The following ARHGEF7 variants were observed in gnomAD, a reference collection of about 807,000 sequenced individuals.
ARHGEF7 encodes Rho guanine nucleotide exchange factor 7, also known as PAK-interacting exchange factor beta.
ARHGEF7 carries 33 observed loss-of-function variants against 109.8 expected under a neutral mutation model. The ratio of observed to expected loss-of-function variants is 0.30; its 90% CI spans 0.23 to 0.40. The LOEUF is 0.40. Ranked by LOEUF, ARHGEF7 falls within the 10% of genes least tolerant of loss-of-function variation. ARHGEF7 has a pLI of 1.00. For synonymous variants in ARHGEF7, 458 were observed against 424.6 expected, an observed-to-expected ratio of 1.08 and a Z score of -0.97; for missense variants, 938 against 1,098.5, an observed-to-expected ratio of 0.85 and a Z score of 2.07.
intron 2 of ARHGEF7, among the ~76,000 whole-genome samples, chr13:111,194,390 C>G (rs1253882801): frequency 6.6e-6 from 1 of 152,162 alleles, no homozygotes; most frequent in Non-Finnish European, 1.5e-5. Flanking sequence ...GCCTGGCTAT[C>G]TCGCTGTATC....
intron 2 of ARHGEF7, among the ~76,000 whole-genome samples, chr13:111,163,641 T>C (rs2076910577): frequency 6.6e-6 from 1 of 152,156 alleles, no homozygotes; most frequent in Non-Finnish European, 1.5e-5. Flanking sequence ...CATGGTTCAC[T>C]GCAGCCCCCA....
chr13:111,133,092 A>G (rs2074857936), intron 1 of ARHGEF7, among the ~76,000 whole-genome samples: 1 of 152,176 alleles, frequency 6.6e-6, no homozygotes, highest in African/African-American at 2.4e-5. Context: ...ACATGCATAT[A>G]TACACATATA....
chr13:111,282,913 G>T, intron 15 of ARHGEF7: 1 of 644,666 alleles, frequency 1.6e-6, no homozygotes, highest in Non-Finnish European at 2.6e-6. Context: ...CTCCTGTCTG[G>T]GGCAGACGCC....
At chr13:111,176,271 C>T (rs1030461055) in intron 2 of ARHGEF7, among the ~76,000 whole-genome samples, 11 of 152,334 alleles carry the variant, frequency 7.2e-5, no homozygotes, top group South Asian at 2.1e-4. Flanking sequence ...ATAGAAAATG[C>T]GACCATTGCT....
intron 15 of ARHGEF7, among the ~76,000 whole-genome samples, chr13:111,281,903 T>C (rs1181070423): frequency 6.6e-6 from 1 of 152,254 alleles, no homozygotes; most frequent in East Asian, 1.9e-4. Context: ...ATGTATTCTG[T>C]GATCCAACTC....
chr13:111,157,473 A>C (rs1164282150), intron 2 of ARHGEF7, among the ~76,000 whole-genome samples: 1 of 151,964 alleles, frequency 6.6e-6, no homozygotes, highest in African/African-American at 2.4e-5. Flanking sequence ...TTAGGTCAGG[A>C]GTTTGAGACC....
chr13:111,153,573 T>C (rs2153375529), intron 1 of ARHGEF7: 12 of 1,059,292 alleles, frequency 1.1e-5, no homozygotes, highest in Middle Eastern at 4.2e-4. Flanking sequence ...GTGGGCTGCG[T>C]CCGCGGGGGC....
intron 8 of ARHGEF7, among the ~76,000 whole-genome samples, chr13:111,248,733 T>G (rs1233569545): frequency 6.6e-6 from 1 of 152,232 alleles, no homozygotes; most frequent in Non-Finnish European, 1.5e-5. Flanking sequence ...GATTTTATAT[T>G]TGTTCATTCA....
intron 2 of ARHGEF7, chr13:111,187,019 G>T (rs2079333432): frequency 3.0e-6 from 3 of 985,902 alleles, no homozygotes; most frequent in African/African-American, 1.7e-5. Flanking sequence ...GATTAAGGTT[G>T]CTGTGCTTGT....
chr13:111,223,072 G>T (rs574588905), intron 5 of ARHGEF7, among the ~76,000 whole-genome samples: 106 of 152,280 alleles, frequency 7.0e-4, no homozygotes, highest in Non-Finnish European at 2.9e-5. Context: ...ATGTATAGAT[G>T]GGAAAACATA....
intron 5 of ARHGEF7, among the ~76,000 whole-genome samples, chr13:111,227,266 G>A (rs1032887369): frequency 2.0e-5 from 3 of 152,244 alleles, no homozygotes; most frequent in African/African-American, 7.2e-5. Flanking sequence ...GTAAGAAGTT[G>A]TATGTGTGTA....
intron 2 of ARHGEF7, among the ~76,000 whole-genome samples, chr13:111,159,945 A>G (rs938992144): frequency 6.6e-6 from 1 of 152,084 alleles, no homozygotes; most frequent in African/African-American, 2.4e-5. Flanking sequence ...AATGTCTTGG[A>G]GCTTTCCATG....
chr13:111,283,394 A>T, intron 16 of ARHGEF7, 31 bp downstream of exon 16: 1 of 1,535,208 alleles, frequency 6.5e-7, no homozygotes, highest in Non-Finnish European at 8.7e-7. Context: ...AAACAGCCAG[A>T]TGACGGTGAG....
chr13:111,196,743 AAGC>A (rs1400334159), intron 2 of ARHGEF7, among the ~76,000 whole-genome samples: 33 of 86,258 alleles, frequency 3.8e-4, no homozygotes, highest in African/African-American at 1.4e-3. Flanking sequence ...ATATGGGGGT[AAGC>A]TGAGAGGTCC....
At chr13:111,158,646 C>T (rs1320946970) in intron 2 of ARHGEF7, among the ~76,000 whole-genome samples, 1 of 152,196 alleles carries the variant, frequency 6.6e-6, no homozygotes, top group Non-Finnish European at 1.5e-5. Context: ...CTTTTGGTCT[C>T]TCAGATCAAC....
At chr13:111,177,937 G>A (rs1316683440) in intron 2 of ARHGEF7, among the ~76,000 whole-genome samples, 2 of 152,144 alleles carry the variant, frequency 1.3e-5, no homozygotes, top group East Asian at 1.9e-4. Context: ...GAACTCGCAC[G>A]CAGTGTGGTC....
chr13:111,254,074 G>T (rs1050972389), intron 8 of ARHGEF7, among the ~76,000 whole-genome samples: 1 of 152,156 alleles, frequency 6.6e-6, no homozygotes, highest in Non-Finnish European at 1.5e-5. Context: ...TGTGGTGCTG[G>T]TTCATGGGTG....
chr13:111,138,467 C>T (rs1298792235), intron 1 of ARHGEF7, among the ~76,000 whole-genome samples: 1 of 152,162 alleles, frequency 6.6e-6, no homozygotes, highest in East Asian at 1.9e-4. Flanking sequence ...GATGACAGAG[C>T]GAGATTGCAT....
At chr13:111,182,148 G>A (rs941381165) in intron 2 of ARHGEF7, 6 of 152,192 alleles carry the variant, frequency 3.9e-5, no homozygotes, top group African/African-American at 1.4e-4. Context: ...GTTCTGGATC[G>A]CAGCAGTCTC....
Sources: allele counts gnomAD v4.1 joint callset (sites outside exome capture counted in the v4.1 genomes callset), GRCh38; gene constraint gnomAD v4.1.1; transcripts MANE v1.5; gene names NCBI Gene and HGNC (gene_info 2026-07-23, HGNC 2026-07-21).